The following MKKS variants were observed in gnomAD, a reference collection of about 807,000 sequenced individuals.
MKKS encodes the protein MKKS centrosomal shuttling protein.
MKKS carries 29 observed loss-of-function variants against 33.2 expected under a neutral mutation model. The ratio of observed to expected loss-of-function variants is 0.87; its 90% CI spans 0.65 to 1.19. The LOEUF (loss-of-function observed/expected upper bound fraction) is 1.19, where lower values mean the gene tolerates loss of function less well. Among genes scored for constraint, MKKS ranks in the 50% most tolerant of loss-of-function variants. The probability of loss-of-function intolerance (pLI) is 0.00; values close to 1 mark genes in which losing one functional copy is unlikely to be tolerated. For synonymous variants in MKKS, 260 were observed against 244.0 expected (o/e 1.07, Z -0.61); for missense variants, 661 against 662.3 (o/e 1.00, Z 0.02).
At chr20:10,411,114 G>C (rs972417615) in intron 3 of MKKS, among the ~76,000 whole-genome samples, 1 of 151,682 alleles carries the variant, frequency 6.6e-6, no homozygotes, top group Non-Finnish European at 1.5e-5. Flanking sequence ...AGCCTCCCAA[G>C]TAGCTGGGAT....
intron 1 of MKKS, among the ~76,000 whole-genome samples, chr20:10,429,705 TAA>T (rs1437580007): frequency 6.6e-6 from 1 of 152,182 alleles, no homozygotes; most frequent in African/African-American, 2.4e-5. Context: ...CCATTTGACA[TAA>T]GTGTTTCTTT....
At chr20:10,433,399 G>C (rs1600864811) in intron 1 of MKKS, among the ~76,000 whole-genome samples, 1 of 152,306 alleles carries the variant, frequency 6.6e-6, no homozygotes, top group Middle Eastern at 3.4e-3. Flanking sequence ...CTAGAACATG[G>C]AGTCAGGACC....
chr20:10,412,917 A>C lies in MKKS; in HGVS notation c.598T>G (p.Leu200Val), dbSNP rs1372526007. ...AEGHIILGKS[L>V]IVPLKGQRVI... ...CTTTGACCTTTTAAAGGTACAATTAAACTCTTTCCTAAAATGATGTGGCCT... is the reference window on the plus strand; with the variant it reads ...CTTTGACCTTTTAAAGGTACAATTACACTCTTTCCTAAAATGATGTGGCCT... Residue 200 changes from leucine to valine, a missense_variant, in exon 3 of 6, where the codon TTA becomes GTA. By Grantham distance (32) the Leu-to-Val change is conservative (BLOSUM62 1). Coordinates refer to ENST00000347364, the MANE Select transcript of MKKS (RefSeq NM_170784.3). 6.2e-7 allele frequency: 1 copy of C among 1,613,658 alleles called. No homozygotes were observed. The highest frequency in any genetic ancestry group is 8.5e-7 in the Non-Finnish European group (1 of 1,179,806).
intron 1 of MKKS, among the ~76,000 whole-genome samples, chr20:10,426,627 G>T (rs906862015): frequency 6.6e-6 from 1 of 152,134 alleles, no homozygotes; most frequent in Non-Finnish European, 1.5e-5. Flanking sequence ...TCAACTCCTG[G>T]CCTCAAGTGA....
intron 1 of MKKS, among the ~76,000 whole-genome samples, chr20:10,427,160 T>C (rs983554354): frequency 2.0e-5 from 3 of 151,994 alleles, no homozygotes; most frequent in East Asian, 1.9e-4. Context: ...GATTATTCTA[T>C]CTAGCATAGT....
Position 10,405,591 on chromosome 20 carries a change from CA to C in MKKS, c.1368del (p.Val457LeufsTer5). ...CCATCATGTTCTAAAGAGCCAACAACAGATTCTAGGGCACTGCAAAATGCTT... is the reference window on the plus strand; with the variant it reads ...CCATCATGTTCTAAAGAGCCAACAACGATTCTAGGGCACTGCAAAATGCTT... The part of the protein sequence containing the change: ...IAEAFCSALE[S>X]VVGSLEHDGG... On this transcript the variant is annotated frameshift_variant, in exon 6 of 6. Transcript: ENST00000347364. LOFTEE classifies it low-confidence loss of function (END_TRUNC). 6.2e-7 allele frequency: 1 copy of C among 1,614,152 alleles called. No individual in the cohort carries two copies. The highest frequency in any genetic ancestry group is 1.1e-5 in the South Asian group (1 of 91,078).
intron 1 of MKKS, among the ~76,000 whole-genome samples, chr20:10,422,261 G>A (rs1412101807): frequency 6.6e-6 from 1 of 152,010 alleles, no homozygotes; most frequent in East Asian, 1.9e-4. Context: ...AACACGACCT[G>A]CTTTGTAAAT....
chr20:10,410,491 C>T (rs1049748993), intron 3 of MKKS, among the ~76,000 whole-genome samples: 2 of 152,016 alleles, frequency 1.3e-5, no homozygotes, highest in Admixed American at 1.3e-4. Flanking sequence ...ACTAGCCAGG[C>T]GTGGTGGCGT....
At chr20:10,432,108 G>A (rs1024079535) in intron 1 of MKKS, among the ~76,000 whole-genome samples, 1 of 152,180 alleles carries the variant, frequency 6.6e-6, no homozygotes, top group African/African-American at 2.4e-5. Flanking sequence ...GAGAGTTGAA[G>A]TTAGGCCCTT....
At chr20:10,426,699 G>A (rs2065016726) in intron 1 of MKKS, among the ~76,000 whole-genome samples, 2 of 152,206 alleles carry the variant, frequency 1.3e-5, no homozygotes, top group Non-Finnish European at 2.9e-5. Flanking sequence ...ACGCCCCGTG[G>A]CATGTCCTTG....
At chr20:10,407,463 AG>A (rs2064851013) in intron 5 of MKKS, among the ~76,000 whole-genome samples, 152 bp downstream of exon 5, 1 of 152,236 alleles carries the variant, frequency 6.6e-6, no homozygotes, top group South Asian at 2.1e-4. Context: ...AAAGGCTACA[AG>A]TTTACCTGTA....
intron 1 of MKKS, among the ~76,000 whole-genome samples, chr20:10,430,409 C>T (rs1342664929): frequency 7.9e-6 from 1 of 127,256 alleles, no homozygotes; most frequent in African/African-American, 2.6e-5. Flanking sequence ...GCAGTTATCA[C>T]AATACTTGGC....
intron 1 of MKKS, among the ~76,000 whole-genome samples, chr20:10,433,357 T>C (rs1426528246): frequency 1.3e-5 from 2 of 152,222 alleles, no homozygotes; most frequent in Admixed American, 6.5e-5. Context: ...GCGGAACTCA[T>C]GGATAGGGAG....
At chr20:10,408,504 C>A in intron 4 of MKKS, 124 bp downstream of exon 4, 1 of 932,232 alleles carries the variant, frequency 1.1e-6, no homozygotes, top group Admixed American at 2.1e-5. Context: ...GACTTTGCAT[C>A]AATCATTTTA....
At chr20:10,427,285 G>T (rs1452993094) in intron 1 of MKKS, among the ~76,000 whole-genome samples, 1 of 152,074 alleles carries the variant, frequency 6.6e-6, no homozygotes, top group Non-Finnish European at 1.5e-5. Flanking sequence ...GGGCTTGCTG[G>T]GCGCCATCTG....
chr20:10,408,509 AT>A, intron 4 of MKKS, 118 bp downstream of exon 4: 1 of 984,444 alleles, frequency 1.0e-6, no homozygotes. Flanking sequence ...TGCATCAATC[AT>A]TTTAATTTTT....
chr20:10,418,167 G>T (rs1044731303), intron 2 of MKKS, among the ~76,000 whole-genome samples: 2 of 152,174 alleles, frequency 1.3e-5, no homozygotes, highest in Non-Finnish European at 2.9e-5. Context: ...ACATACAAAA[G>T]GACTACATAG....
intron 1 of MKKS, among the ~76,000 whole-genome samples, chr20:10,433,774 A>C (rs995811788): frequency 1.3e-5 from 2 of 152,038 alleles, no homozygotes; most frequent in Non-Finnish European, 2.9e-5. Flanking sequence ...CCAGCGAGGG[A>C]GGGGACGGGG....
At chr20:10,408,848 G>T (rs1380437557) in intron 3 of MKKS, 45 bp from the exon 4 acceptor site, 1 of 1,453,670 alleles carries the variant, frequency 6.9e-7, no homozygotes, top group African/African-American at 1.4e-5. Context: ...AAGCAAAAGT[G>T]GAGCAAACAA....
Sources: allele counts gnomAD v4.1 joint callset (sites outside exome capture counted in the v4.1 genomes callset), GRCh38; gene constraint gnomAD v4.1.1; transcripts MANE v1.5; gene names NCBI Gene and HGNC (gene_info 2026-07-23, HGNC 2026-07-21).